CELF2: variants seen among roughly 807,000 people sequenced by gnomAD.
The protein encoded by CELF2 is CUG triplet repeat RNA-binding protein 2.
A neutral mutation model predicts 62.6 loss-of-function variants in CELF2; 8 were observed. The ratio of observed to expected loss-of-function variants is 0.13; its 90% confidence interval spans 0.07 to 0.23. The LOEUF (loss-of-function observed/expected upper bound fraction) is 0.23. Among genes scored for constraint, CELF2 ranks in the 10% least tolerant of loss-of-function variants. The pLI is 1.00. For missense variants in CELF2, 333 were observed against 671.0 expected (o/e 0.50, Z 5.56); for synonymous variants, 258 against 250.0 (o/e 1.03, Z -0.30).
intron 1 of CELF2, among the ~76,000 whole-genome samples, chr10:11,057,658 C>T (rs1456341901): frequency 6.6e-6 from 1 of 152,122 alleles, no homozygotes. Flanking sequence ...TTTTTCCCCC[C>T]GATGAAGTAC....
intron 2 of CELF2, among the ~76,000 whole-genome samples, chr10:11,208,082 C>T (rs1227050937): frequency 6.6e-6 from 1 of 152,156 alleles, no homozygotes; most frequent in Non-Finnish European, 1.5e-5. Flanking sequence ...TGCTCATCGA[C>T]TCGTGGTTGC....
chr10:11,012,320 T>C lies in CELF2; in HGVS notation c.53+6880T>C, dbSNP rs1186201103. Among the ~76,000 whole-genome samples the C allele has an allele frequency of 6.6e-6, 1 of 152,212 alleles. No individual in the cohort carries two copies. Among genetic ancestry groups the C allele is most frequent in the Non-Finnish European group, 1.5e-5 (1 of 68,040 alleles). ...GGATCAGTTACCATAGTGAGTCAAGTAGATTCATTTGCTTTATTTTAACAG... is the reference window on the plus strand; with the variant it reads ...GGATCAGTTACCATAGTGAGTCAAGCAGATTCATTTGCTTTATTTTAACAG... On this transcript the variant is annotated intron_variant, in intron 1 of 12. Coordinates refer to the CELF2 transcript ENST00000416382. The surrounding 1 kb of genome is among the most constrained non-coding windows in gnomAD (Gnocchi z 5.5).
intron 1 of CELF2, among the ~76,000 whole-genome samples, chr10:11,073,783 G>A (rs2070944609): frequency 6.6e-6 from 1 of 152,236 alleles, no homozygotes; most frequent in African/African-American, 2.4e-5. Context: ...CTGCAGGGTG[G>A]TGGCTGGGAA....
At chr10:10,466,597 A>T in the CELF2 span, among the ~76,000 whole-genome samples, 1 of 152,194 alleles carries the variant, frequency 6.6e-6, no homozygotes. Flanking sequence ...TATGGTAGAG[A>T]TATGTTGAAA....
At position 10,984,664 on chromosome 10, in the gene CELF2, TAAATATA is replaced by T. The variant is rs559105247; in HGVS notation, c.89+64666_89+64672del. Among the ~76,000 whole-genome samples the T allele has an allele frequency of 1.6e-3, 243 of 152,290 alleles. 1 individual carries two copies. Among genetic ancestry groups the T allele is most frequent in the African/African-American group, 5.3e-3 (222 of 41,574 alleles). On this transcript the variant is annotated intron_variant, in intron 2 of 13. Transcript: ENST00000636488. ...AGTTCAGGAAAGTTAGGCTGACAAATAAATATACTAGGACATCATGGTTTCATTACAG... is the reference window on the plus strand; with the variant it reads ...AGTTCAGGAAAGTTAGGCTGACAAATCTAGGACATCATGGTTTCATTACAG...
At chr10:10,878,468 G>A (rs1003216440) in intron 1 of CELF2, among the ~76,000 whole-genome samples, 1 of 152,194 alleles carries the variant, frequency 6.6e-6, no homozygotes, top group African/African-American at 2.4e-5. Flanking sequence ...GTGCCACGAC[G>A]CAATTGTCTG....
the CELF2 span, among the ~76,000 whole-genome samples, chr10:10,695,074 T>G: frequency 7.2e-4 from 108 of 150,200 alleles, no homozygotes; most frequent in East Asian, 0.016. Context: ...GATTTTGCTC[T>G]TTAGTTGATG....
At position 11,268,558 on chromosome 10, in the gene CELF2, G is replaced by C. The variant is rs1336456668; in HGVS notation, c.618+1881G>C. On this transcript the variant is annotated intron_variant, in intron 6 of 12. Transcript: ENST00000633077. The surrounding 1 kb of genome is among the most constrained non-coding windows in gnomAD (Gnocchi z 4.7). Reference sequence around the variant, plus strand: ...TTCCCATCATGTAAAGAGTTGGTTTGACCACTGGGGCATATTTATTCCTAA... The same window carrying C: ...TTCCCATCATGTAAAGAGTTGGTTTCACCACTGGGGCATATTTATTCCTAA... 6.6e-6 allele frequency among the ~76,000 whole-genome samples: 1 copy of C among 152,162 alleles called. No individual in the cohort carries two copies. Among genetic ancestry groups the C allele is most frequent in the East Asian group, 1.9e-4 (1 of 5,196 alleles).
chr10:10,631,638 G>A, the CELF2 span, among the ~76,000 whole-genome samples: 1 of 152,136 alleles, frequency 6.6e-6, no homozygotes, highest in African/African-American at 2.4e-5. Context: ...AAATGTGAAC[G>A]AGCAGTGATT....
the CELF2 span, among the ~76,000 whole-genome samples, chr10:10,714,870 C>A: frequency 4.6e-4 from 69 of 150,636 alleles, no homozygotes; most frequent in South Asian, 2.1e-3. Context: ...ATTTAAGAAG[C>A]CTTATTTAAA....
chr10:10,865,728 T>G (rs2060312797), intron 1 of CELF2, among the ~76,000 whole-genome samples: 1 of 152,158 alleles, frequency 6.6e-6, no homozygotes, highest in Non-Finnish European at 1.5e-5. Flanking sequence ...CTTTCCTTTC[T>G]GTTGTGCTAT....
At chr10:11,130,096 T>G (rs12765742) in intron 1 of CELF2, among the ~76,000 whole-genome samples, 25 of 152,292 alleles carry the variant, frequency 1.6e-4, no homozygotes, top group Non-Finnish European at 3.5e-4. Flanking sequence ...TGGTTTCAAA[T>G]AACATCTTTA....
intron 1 of CELF2, 46 bp downstream of exon 1, chr10:11,018,209 C>T (rs2057619781): frequency 6.8e-7 from 1 of 1,472,604 alleles, no homozygotes; most frequent in Admixed American, 2.1e-5. Flanking sequence ...GCGTCCTCCT[C>T]CCAGAGTCGG....
chr10:10,748,222 A>G, the CELF2 span, among the ~76,000 whole-genome samples: 2 of 152,312 alleles, frequency 1.3e-5, no homozygotes, highest in African/African-American at 4.8e-5. Flanking sequence ...CTAAAAAAAA[A>G]GAGGACTTGA....
At chr10:10,941,016 A>G (rs774259187) in intron 2 of CELF2, among the ~76,000 whole-genome samples, 36 of 152,266 alleles carry the variant, frequency 2.4e-4, no homozygotes, top group South Asian at 8.3e-4. Flanking sequence ...GTGATCTTTT[A>G]TCTTCTTCAC....
At chr10:10,553,505 T>C in the CELF2 span, among the ~76,000 whole-genome samples, 19 of 152,040 alleles carry the variant, frequency 1.2e-4, no homozygotes, top group Admixed American at 1.3e-4. Context: ...ACATATCTAT[T>C]TGAGGATGCA....
chr10:11,265,697 C>T (rs1338856603), intron 5 of CELF2, among the ~76,000 whole-genome samples: 2 of 152,218 alleles, frequency 1.3e-5, no homozygotes, highest in Non-Finnish European at 2.9e-5. Context: ...TGGTGGCCAA[C>T]GCTGGTGCAG....
intron 1 of CELF2, among the ~76,000 whole-genome samples, chr10:10,805,641 G>T (rs2055144704): frequency 6.6e-6 from 1 of 152,132 alleles, no homozygotes; most frequent in South Asian, 2.1e-4. Flanking sequence ...ATGAGGGGGG[G>T]AGACGGGTGG....
In CELF2 at chr10:11,243,339, G is replaced by T. The variant is rs1387070419; in HGVS notation, c.355-5814G>T. ...AGTTAACCATGTACCTTAACGTGCGGCTTTAGGCAAAATGTTATTCAAAAA... is the reference window on the plus strand; with the variant it reads ...AGTTAACCATGTACCTTAACGTGCGTCTTTAGGCAAAATGTTATTCAAAAA... On this transcript the variant is annotated intron_variant, in intron 3 of 12. Transcript: ENST00000633077. The surrounding 1 kb of genome is among the most constrained non-coding windows in gnomAD (Gnocchi z 4.1). Among the ~76,000 whole-genome samples the T allele has an allele frequency of 6.8e-6, 1 of 146,498 alleles. No homozygotes were observed. Among genetic ancestry groups the T allele is most frequent in the Non-Finnish European group, 1.5e-5 (1 of 67,386 alleles).
Sources: gnomAD v4.1 joint callset for allele counts (sites outside exome capture counted in the v4.1 genomes callset) on GRCh38, gnomAD v4.1.1 for gene constraint, Gnocchi (gnomAD v3.1) non-coding constraint, MANE v1.5 for transcripts, NCBI Gene and HGNC (gene_info 2026-07-23, HGNC 2026-07-21) for gene names.